The following SSBP2 variants were observed in gnomAD, a reference collection of about 807,000 sequenced individuals.
SSBP2 encodes the protein single-stranded DNA-binding protein 2.
In SSBP2, 17 loss-of-function variants were observed where a neutral mutation model predicts 61.8. That is an observed-to-expected ratio of 0.28 (90% CI 0.19 to 0.41). SSBP2 has a LOEUF of 0.41. Ranked by LOEUF, SSBP2 falls within the 10% of genes least tolerant of loss-of-function variation. The pLI, the probability that SSBP2 is intolerant of heterozygous loss-of-function variation, is 1.00. For missense variants in SSBP2, 310 were observed against 458.7 expected (o/e 0.68, Z 2.96); for synonymous variants, 139 against 141.3 (o/e 0.98, Z 0.12).
At chr5:81,520,287 T>G (rs1041809318) in intron 4 of SSBP2, among the ~76,000 whole-genome samples, 2 of 152,088 alleles carry the variant, frequency 1.3e-5, no homozygotes, top group African/African-American at 4.8e-5. Context: ...GCCTGGTCTA[T>G]TTTCCCCTTT....
At chr5:81,578,882 G>A (rs1774434652) in intron 4 of SSBP2, among the ~76,000 whole-genome samples, 1 of 151,780 alleles carries the variant, frequency 6.6e-6, no homozygotes, top group Non-Finnish European at 1.5e-5. Flanking sequence ...CACTCCCTAA[G>A]TAACAATCTA....
chr5:81,658,832 G>A (rs929511984), intron 1 of SSBP2, among the ~76,000 whole-genome samples: 1 of 152,102 alleles, frequency 6.6e-6, no homozygotes, highest in African/African-American at 2.4e-5. Flanking sequence ...GATCAACTTG[G>A]CTTCATCACT....
chr5:81,482,810 A>C (rs1766093109), intron 6 of SSBP2, among the ~76,000 whole-genome samples: 1 of 152,160 alleles, frequency 6.6e-6, no homozygotes, highest in Admixed American at 6.6e-5. Context: ...TTTCCTTTGC[A>C]TTCCTAACAT....
chr5:81,488,056 T>TAA (rs1766556095), intron 6 of SSBP2, among the ~76,000 whole-genome samples: 2 of 83,716 alleles, frequency 2.4e-5, no homozygotes, highest in South Asian at 3.5e-4. Flanking sequence ...TATATATATA[T>TAA]ATAAATAAAA....
intron 1 of SSBP2, among the ~76,000 whole-genome samples, chr5:81,737,268 G>T (rs1756683474): frequency 7.0e-6 from 1 of 142,944 alleles, no homozygotes; most frequent in African/African-American, 2.6e-5. Context: ...TCCAACTATT[G>T]CCCCTCCTTG....
At chr5:81,738,714 G>A (rs76557490) in intron 1 of SSBP2, among the ~76,000 whole-genome samples, 17 of 152,258 alleles carry the variant, frequency 1.1e-4, no homozygotes, top group African/African-American at 3.9e-4. Flanking sequence ...AATGACCACT[G>A]CATTGGTGTA....
intron 1 of SSBP2, among the ~76,000 whole-genome samples, chr5:81,684,666 T>A (rs1160530449): frequency 1.3e-5 from 2 of 152,082 alleles, no homozygotes; most frequent in African/African-American, 4.8e-5. Flanking sequence ...TTTCTCCCAT[T>A]TGGAACAGGA....
At chr5:81,432,938 G>C (rs1015817745) in intron 15 of SSBP2, among the ~76,000 whole-genome samples, 2 of 146,664 alleles carry the variant, frequency 1.4e-5, no homozygotes, top group African/African-American at 2.6e-5. Flanking sequence ...GAGGTGGGGG[G>C]GGTCAGCCCC....
intron 1 of SSBP2, 176 bp downstream of exon 1, chr5:81,750,805 C>A: frequency 1.4e-6 from 1 of 712,760 alleles, no homozygotes. Flanking sequence ...GCCCGCACCT[C>A]CCGGGAAAGC....
intron 9 of SSBP2, among the ~76,000 whole-genome samples, chr5:81,462,219 T>C (rs1202101649): frequency 6.6e-6 from 1 of 152,190 alleles, no homozygotes; most frequent in Non-Finnish European, 1.5e-5. Flanking sequence ...TAAGAAAGTT[T>C]ACAAATTTGT....
intron 10 of SSBP2, among the ~76,000 whole-genome samples, chr5:81,451,776 TAAATA>T (rs907662564): frequency 1.3e-5 from 2 of 152,222 alleles, no homozygotes; most frequent in Admixed American, 6.5e-5. Context: ...TTCAAAGAGT[TAAATA>T]AAATAAACAT....
rs531546563 is a variant in SSBP2, at chr5:81,593,310, G to A, written c.282+22163C>T. Among the ~76,000 whole-genome samples the A allele has an allele frequency of 1.5e-4, 23 of 152,234 alleles. 1 individual carries two copies. The highest frequency in any genetic ancestry group is 5.2e-4 in the Admixed American group (8 of 15,286). On this transcript the variant is annotated intron_variant, in intron 4 of 16. Coordinates refer to ENST00000320672, the MANE Select transcript of SSBP2 (RefSeq NM_012446.5). Reference sequence around the variant, plus strand: ...TAGAGAAAAAAGAATAAAAAGAACCGAACAAAGCCTCCAAGAAATATGGGA... The same window carrying A: ...TAGAGAAAAAAGAATAAAAAGAACCAAACAAAGCCTCCAAGAAATATGGGA...
chr5:81,628,774 A>T (rs1294683334), intron 3 of SSBP2, among the ~76,000 whole-genome samples: 1 of 152,208 alleles, frequency 6.6e-6, no homozygotes, highest in Admixed American at 6.5e-5. Context: ...AGCTCCAGAA[A>T]GTCAATCACA....
At chr5:81,672,140 TTA>T (rs1254319572) in intron 1 of SSBP2, among the ~76,000 whole-genome samples, 1 of 152,176 alleles carries the variant, frequency 6.6e-6, no homozygotes, top group African/African-American at 2.4e-5. Flanking sequence ...GTTTTATAGC[TTA>T]TATAATGCTT....
chr5:81,540,092 A>T (rs981682235), intron 4 of SSBP2, among the ~76,000 whole-genome samples: 1 of 152,116 alleles, frequency 6.6e-6, no homozygotes, highest in Non-Finnish European at 1.5e-5. Flanking sequence ...TTATGGCTGC[A>T]TAGTATTCCA....
Position 81,584,976 on chromosome 5 carries a change from G to T in SSBP2, c.282+30497C>A, listed in dbSNP as rs145594925. On this transcript the variant is annotated intron_variant, in intron 4 of 16. Transcript: ENST00000320672. ...TATGAGTTAAGTAGTTTAAGATAAA[G>T]AAATAATAAAAGAGAAATACATAAT... Among the ~76,000 whole-genome samples, 138 of 152,028 alleles carry T rather than the reference G, an allele frequency of 9.1e-4. 4 individuals are homozygous for T. The East Asian group carries it at 0.017, about 19-fold the overall frequency.
At chr5:81,698,610 G>A (rs1179968170) in intron 1 of SSBP2, among the ~76,000 whole-genome samples, 1 of 152,086 alleles carries the variant, frequency 6.6e-6, no homozygotes, top group Non-Finnish European at 1.5e-5. Flanking sequence ...TCAGGAGTTC[G>A]AGACCAGCCT....
At chr5:81,639,745 G>A (rs1263864653) in intron 2 of SSBP2, among the ~76,000 whole-genome samples, 2 of 151,838 alleles carry the variant, frequency 1.3e-5, no homozygotes, top group Non-Finnish European at 2.9e-5. Context: ...CTACTAAGAA[G>A]TGAACAACTG....
At chr5:81,730,102 T>C (rs1370640808) in intron 1 of SSBP2, among the ~76,000 whole-genome samples, 1 of 152,220 alleles carries the variant, frequency 6.6e-6, no homozygotes, top group Non-Finnish European at 1.5e-5. Flanking sequence ...GGTTATTTCT[T>C]TTTTAATTAA....
Sources: allele counts gnomAD v4.1 joint callset (sites outside exome capture counted in the v4.1 genomes callset), GRCh38; gene constraint gnomAD v4.1.1; transcripts MANE v1.5; gene names NCBI Gene and HGNC (gene_info 2026-07-23, HGNC 2026-07-21).